GPC6: variants seen among roughly 807,000 people sequenced by gnomAD.
GPC6 encodes the protein glypican-6.
GPC6 carries 14 observed loss-of-function variants against 55.2 expected under a neutral mutation model. The ratio of observed to expected loss-of-function variants is 0.25; its 90% CI spans 0.17 to 0.40. The LOEUF (loss-of-function observed/expected upper bound fraction) is 0.40, where lower values mean the gene tolerates loss of function less well. GPC6 is among the 10% of genes least tolerant of loss of function. The probability of loss-of-function intolerance (pLI) is 1.00; values close to 1 mark genes in which losing one functional copy is unlikely to be tolerated. For missense variants in GPC6, 641 were observed against 708.5 expected, an observed-to-expected ratio of 0.90 and a Z score of 1.08; for synonymous variants, 278 against 259.6, an observed-to-expected ratio of 1.07 and a Z score of -0.68.
intron 1 of GPC6, among the ~76,000 whole-genome samples, chr13:93,333,282 G>C (rs1316813712): frequency 6.6e-6 from 1 of 152,088 alleles, no homozygotes; most frequent in East Asian, 1.9e-4. Flanking sequence ...AGATCACTTT[G>C]GGTAGGTAGA....
chr13:93,405,553 C>T (rs1200067118), intron 1 of GPC6, among the ~76,000 whole-genome samples: 2 of 152,100 alleles, frequency 1.3e-5, no homozygotes, highest in Non-Finnish European at 2.9e-5. Flanking sequence ...TCCGTGCACA[C>T]TGGGGTGCAT....
In GPC6 at chr13:93,677,291, T is replaced by C. The variant is rs530857397; in HGVS notation, c.319+131870T>C. ...TTCTGTGATTTTAAATTGTGTATCG[T>C]TCTTCTTATAAGTATAGTTATCCCT... On this transcript the variant is annotated intron_variant, in intron 2 of 8. Coordinates refer to ENST00000377047, the MANE Select transcript of GPC6 (RefSeq NM_005708.5). Among the ~76,000 whole-genome samples the C allele has an allele frequency of 3.3e-5, 5 of 152,308 alleles. No individual in the cohort carries two copies. In the East Asian group the frequency reaches 9.6e-4, roughly 29 times the overall value.
In GPC6 at chr13:93,731,022, C is replaced by T. The variant is rs919788816; in HGVS notation, c.320-99132C>T. Among the ~76,000 whole-genome samples the T allele has an allele frequency of 2.6e-5, 4 of 152,152 alleles. No individual in the cohort carries two copies. The East Asian group carries it at 7.7e-4, about 29-fold the overall frequency. ...AGGACAAAAATGAAAGCTAGAGAAG[C>T]AAACTGCATTTAGATTGTGCAGTTG... On this transcript the variant is annotated intron_variant, in intron 2 of 8. Coordinates refer to ENST00000377047, the MANE Select transcript of GPC6 (RefSeq NM_005708.5).
At chr13:93,639,039 T>G (rs1049126121) in intron 2 of GPC6, among the ~76,000 whole-genome samples, 1 of 151,858 alleles carries the variant, frequency 6.6e-6, no homozygotes, top group Non-Finnish European at 1.5e-5. Context: ...AATGACAAAA[T>G]CTGCTGTTAT....
intron 4 of GPC6, among the ~76,000 whole-genome samples, chr13:94,081,844 C>T (rs1885106740): frequency 7.5e-6 from 1 of 132,990 alleles, no homozygotes; most frequent in African/African-American, 2.8e-5. Flanking sequence ...TACTACTTTC[C>T]TTTTTTTTTT....
At chr13:94,312,518 A>G (rs1594157982) in intron 6 of GPC6, among the ~76,000 whole-genome samples, 1 of 152,186 alleles carries the variant, frequency 6.6e-6, no homozygotes, top group Admixed American at 6.5e-5. Flanking sequence ...TTCATTTTAA[A>G]TTGCCATGGC....
intron 3 of GPC6, among the ~76,000 whole-genome samples, chr13:93,929,233 T>C (rs1313537087): frequency 6.6e-6 from 1 of 152,180 alleles, no homozygotes; most frequent in African/African-American, 2.4e-5. Flanking sequence ...CTTCAGGAGA[T>C]TTATGGCCAC....
chr13:94,032,015 C>G (rs974202002), intron 4 of GPC6, among the ~76,000 whole-genome samples: 15 of 152,038 alleles, frequency 9.9e-5, no homozygotes, highest in African/African-American at 3.6e-4. Flanking sequence ...AAGATGTTGC[C>G]AATGAGGAGA....
At chr13:93,762,967 G>A (rs180849154) in intron 2 of GPC6, among the ~76,000 whole-genome samples, 3 of 152,252 alleles carry the variant, frequency 2.0e-5, no homozygotes, top group African/African-American at 7.2e-5. Flanking sequence ...GTAATAGAGT[G>A]CACCTTGGAA....
At chr13:93,862,743 G>A (rs75008734) in intron 3 of GPC6, among the ~76,000 whole-genome samples, 1,903 of 151,640 alleles carry the variant, frequency 0.013, 39 homozygotes, top group African/African-American at 0.042. Flanking sequence ...TAATATCCCC[G>A]TTGACAGTTA....
At chr13:93,992,396 T>C (rs1255785948) in intron 3 of GPC6, among the ~76,000 whole-genome samples, 2 of 152,140 alleles carry the variant, frequency 1.3e-5, no homozygotes, top group Non-Finnish European at 2.9e-5. Flanking sequence ...CATAGAAGTA[T>C]AGCTTGTTTG....
chr13:94,385,563 G>A (rs1466864078), intron 7 of GPC6, among the ~76,000 whole-genome samples: 1 of 152,150 alleles, frequency 6.6e-6, no homozygotes, highest in Admixed American at 6.5e-5. Context: ...AAAAGATGAA[G>A]CTGTCAAATA....
intron 2 of GPC6, among the ~76,000 whole-genome samples, chr13:93,661,582 G>A (rs1164343430): frequency 6.6e-6 from 1 of 152,104 alleles, no homozygotes; most frequent in African/African-American, 2.4e-5. Flanking sequence ...CTTACAGAAA[G>A]GAAGCAAGAC....
intron 3 of GPC6, among the ~76,000 whole-genome samples, chr13:93,857,457 A>G (rs1888659411): frequency 6.6e-6 from 1 of 151,602 alleles, no homozygotes; most frequent in Non-Finnish European, 1.5e-5. Context: ...TGCCTTTGTC[A>G]GCATGTGCAA....
chr13:93,352,586 A>G (rs1041753898), intron 1 of GPC6, among the ~76,000 whole-genome samples: 1 of 152,084 alleles, frequency 6.6e-6, no homozygotes, highest in African/African-American at 2.4e-5. Flanking sequence ...GTAGCATCCT[A>G]TGAGGTGAGA....
At chr13:94,185,429 G>A (rs904249082) in intron 4 of GPC6, among the ~76,000 whole-genome samples, 1 of 151,764 alleles carries the variant, frequency 6.6e-6, no homozygotes, top group Admixed American at 6.6e-5. Flanking sequence ...TTTTCAATCA[G>A]GTAACTTTAT....
chr13:93,850,857 A>G (rs750810310), intron 3 of GPC6, among the ~76,000 whole-genome samples: 4 of 151,932 alleles, frequency 2.6e-5, no homozygotes, highest in Non-Finnish European at 4.4e-5. Flanking sequence ...GAAATTCCCA[A>G]TGTGATGGTT....
intron 1 of GPC6, among the ~76,000 whole-genome samples, chr13:93,338,954 G>A (rs1347842848): frequency 1.3e-5 from 2 of 152,132 alleles, no homozygotes; most frequent in Non-Finnish European, 2.9e-5. Context: ...TCTATTCTTG[G>A]TGCTGTTTTT....
At chr13:93,971,327 G>A (rs78286662) in intron 3 of GPC6, among the ~76,000 whole-genome samples, 4,382 of 152,230 alleles carry the variant, frequency 0.029, 244 homozygotes, top group African/African-American at 0.1. Flanking sequence ...TGTGAAAGAA[G>A]TAACTGTGTA....
Sources: allele counts gnomAD v4.1 joint callset (sites outside exome capture counted in the v4.1 genomes callset), GRCh38; gene constraint gnomAD v4.1.1; transcripts MANE v1.5; gene names NCBI Gene and HGNC (gene_info 2026-07-23, HGNC 2026-07-21).